The following SPATA13 variants were observed in gnomAD, a reference collection of about 807,000 sequenced individuals.
SPATA13 encodes spermatogenesis associated 13.
SPATA13 carries 50 observed loss-of-function variants against 104.0 expected under a neutral mutation model. That is an observed-to-expected ratio of 0.48 (90% CI 0.38 to 0.61). The LOEUF (loss-of-function observed/expected upper bound fraction) is 0.61, where lower values mean the gene tolerates loss of function less well. SPATA13 is among the 20% of genes least tolerant of loss of function. SPATA13 has a pLI of 0.00. For synonymous variants in SPATA13, 606 were observed against 667.5 expected, an observed-to-expected ratio of 0.91 and a Z score of 1.42; for missense variants, 1,524 against 1,690.6, an observed-to-expected ratio of 0.90 and a Z score of 1.73.
chr13:24,014,879 A>AT lies in SPATA13; in HGVS notation c.-146-2759dup, dbSNP rs10566756. 8.3e-3 allele frequency among the ~76,000 whole-genome samples: 650 copies of AT among 78,668 alleles called. 77 individuals are homozygous for AT. The highest frequency in any genetic ancestry group is 0.029 in the African/African-American group (576 of 20,188). The allele number at this position is 78,668 out of a possible 152,430, so 51.6% of individuals were successfully genotyped here. ...AGGTTCCCTTTTTGGCACTTTCTGG[A>AT]TTTTTTTTTTTTTTTTTTTTTTTTT... On this transcript the variant is annotated intron_variant, in intron 2 of 14. Coordinates refer to the SPATA13 transcript ENST00000424834.
Position 24,036,886 on chromosome 13 carries a change from C to T in SPATA13, c.-112+19185C>T, listed in dbSNP as rs144403967. Among the ~76,000 whole-genome samples, 966 of 152,000 alleles carry T rather than the reference C, an allele frequency of 6.4e-3. 5 individuals are homozygous for T. Among genetic ancestry groups the T allele is most frequent in the Middle Eastern group, 0.058 (17 of 294 alleles). On this transcript the variant is annotated intron_variant, in intron 3 of 14. Coordinates refer to the SPATA13 transcript ENST00000424834. ...CACCTCCTGGGTTCAAGCGATTCTC[C>T]GACCTCAGCCTCCCGAGTAGCTGAG...
chr13:24,123,381 C>G, intron 3 of SPATA13: 2 of 1,280,988 alleles, frequency 1.6e-6, no homozygotes, highest in Non-Finnish European at 2.3e-6. Context: ...AGCCCTTGCT[C>G]TCATGTAGCC....
chr13:24,114,382 C>T (rs527387332), intron 3 of SPATA13, among the ~76,000 whole-genome samples: 6 of 152,248 alleles, frequency 3.9e-5, no homozygotes, highest in South Asian at 2.1e-4. Flanking sequence ...TGTGCACATG[C>T]GCGTGTGTGT....
Position 24,306,901 on chromosome 13 carries a change from A to T in SPATA13, c.*4128A>T, listed in dbSNP as rs572382881. On this transcript the variant is annotated 3_prime_UTR_variant, in exon 13 of 13. Transcript: ENST00000382108. Reference sequence around the variant, plus strand: ...AAAGAATGGGACTTCTGAACTGAGGAATTTGCTGTTGACAGCCAAAGTATA... The same window carrying T: ...AAAGAATGGGACTTCTGAACTGAGGTATTTGCTGTTGACAGCCAAAGTATA... The T allele has an allele frequency of 2.0e-5, 3 of 152,338 alleles. No individual in the cohort carries two copies. The East Asian group carries it at 5.8e-4, about 29-fold the overall frequency. The allele number at this position is 152,338 out of a possible 1,614,324, so 9.4% of individuals were successfully genotyped here.
rs146456606 is a variant in SPATA13, at chr13:24,251,862, G to A, written c.2164G>A (p.Val722Ile). 333 of 1,613,200 alleles carry A rather than the reference G, an allele frequency of 2.1e-4. 1 individual carries two copies. In the South Asian group the frequency reaches 2.3e-3, roughly 11 times the overall value. The change falls in exon 4 of 13, where the codon GTT becomes ATT. Residue 722 changes from valine to isoleucine, a missense_variant and splice_region_variant. Val to Ile is a conservative substitution (Grantham distance 29, BLOSUM62 3). Coordinates refer to ENST00000382108, the MANE Select transcript of SPATA13 (RefSeq NM_001166271.3). ...CCGGCGGCAGATGAGAGCATCCAACGGTGAGTCTCAGAGTCCCTTTCCTTT... is the reference window on the plus strand; with the variant it reads ...CCGGCGGCAGATGAGAGCATCCAACAGTGAGTCTCAGAGTCCCTTTCCTTT... The part of the protein sequence containing the change: ...GRRRQMRASN[V>I]SSDGGTEPSA...
intron 3 of SPATA13, among the ~76,000 whole-genome samples, chr13:24,021,159 T>C (rs1876957081): frequency 6.6e-6 from 1 of 151,966 alleles, no homozygotes; most frequent in Non-Finnish European, 1.5e-5. Flanking sequence ...GAAAGGAAGG[T>C]ATTAGGAGAG....
chr13:24,006,565 G>A (rs886476807), intron 2 of SPATA13, among the ~76,000 whole-genome samples: 73 of 152,204 alleles, frequency 4.8e-4, no homozygotes, highest in African/African-American at 1.7e-3. Context: ...AGGCCAGGCC[G>A]GCCCAAGTAC....
At chr13:24,230,237 A>G (rs935010593) in intron 2 of SPATA13, among the ~76,000 whole-genome samples, 11 of 152,254 alleles carry the variant, frequency 7.2e-5, no homozygotes, top group African/African-American at 2.2e-4. Flanking sequence ...AACACCTGCT[A>G]TGTGAACAGA....
chr13:24,251,169 A>G (rs1391916738), intron 3 of SPATA13, among the ~76,000 whole-genome samples: 1 of 152,204 alleles, frequency 6.6e-6, no homozygotes, highest in African/African-American at 2.4e-5. Flanking sequence ...CTAAAGCTCC[A>G]CTGCCGTGTG....
chr13:24,014,645 C>G (rs116813461), intron 2 of SPATA13, among the ~76,000 whole-genome samples: 2,260 of 152,214 alleles, frequency 0.015, 53 homozygotes, highest in African/African-American at 0.052. Flanking sequence ...TAGTTTGTAA[C>G]AAAATAGTGT....
intron 3 of SPATA13, among the ~76,000 whole-genome samples, chr13:24,036,418 G>A (rs1215208054): frequency 1.3e-5 from 2 of 152,240 alleles, no homozygotes; most frequent in African/African-American, 2.4e-5. Context: ...GGAGGAGTAT[G>A]TAAGCAGACT....
chr13:24,005,009 T>C (rs567765226), intron 2 of SPATA13, among the ~76,000 whole-genome samples: 1 of 152,328 alleles, frequency 6.6e-6, no homozygotes, highest in South Asian at 2.1e-4. Context: ...ACATTCCCTT[T>C]TACATGGCTA....
At chr13:24,017,154 TACG>T (rs1355142486) in intron 2 of SPATA13, among the ~76,000 whole-genome samples, 4 of 152,188 alleles carry the variant, frequency 2.6e-5, no homozygotes, top group Admixed American at 2.0e-4. Flanking sequence ...ACTCCTGAGT[TACG>T]AATAGAGAAC....
intron 4 of SPATA13, among the ~76,000 whole-genome samples, chr13:24,256,379 A>G (rs1354106559): frequency 6.6e-6 from 1 of 152,176 alleles, no homozygotes; most frequent in Non-Finnish European, 1.5e-5. Context: ...TGGGGTGATG[A>G]TATGCTAATT....
chr13:24,102,255 C>T (rs1880280893), intron 3 of SPATA13, among the ~76,000 whole-genome samples: 1 of 152,138 alleles, frequency 6.6e-6, no homozygotes, highest in Admixed American at 6.5e-5. Flanking sequence ...TTTCCATGTG[C>T]CTATTGTCTA....
At chr13:24,048,290 T>G (rs1379557864) in intron 3 of SPATA13, among the ~76,000 whole-genome samples, 1 of 151,962 alleles carries the variant, frequency 6.6e-6, no homozygotes, top group Non-Finnish European at 1.5e-5. Flanking sequence ...CTGTTGCATT[T>G]TTAGCATTAC....
Position 24,123,839 on chromosome 13 carries a change from C to T in SPATA13, c.-111-98980C>T. 28 of 775,922 alleles carry T rather than the reference C, an allele frequency of 3.6e-5. 1 individual carries two copies. The South Asian group carries it at 4.0e-4, about 11-fold the overall frequency. The allele number at this position is 775,922 out of a possible 1,614,324, so 48.1% of individuals were successfully genotyped here. ...TAAAAATTACAAAGGCAGTGAAGGC[C>T]CATTGGGGAATATACAGGAATGTTT... On this transcript the variant is annotated intron_variant, in intron 3 of 14. Coordinates refer to the SPATA13 transcript ENST00000424834.
In SPATA13 at chr13:24,224,317, C is replaced by T; in HGVS notation, c.1388C>T (p.Pro463Leu). The change falls in exon 2 of 13, where the codon CCT becomes CTT. Residue 463 changes from proline (P) to leucine (L), a missense_variant. This residue lies in a region of SPATA13 where 1,089 missense variants were observed against 1,135.9 expected (regional missense o/e 0.96). Transcript: ENST00000382108. ...TTTGACCCTGAGCAGCCTCCCACCC[C>T]TCTAAGGCCCACCACACCCAAGCCC... The part of the protein sequence containing the change: ...LTFDPEQPPT[P>L]LRPTTPKPQS... 1 of 1,551,786 alleles carries T rather than the reference C, an allele frequency of 6.4e-7. No individual in the cohort carries two copies. Among genetic ancestry groups the T allele is most frequent in the Non-Finnish European group, 8.7e-7 (1 of 1,147,018 alleles).
At position 24,094,622 on chromosome 13, in the gene SPATA13, G is replaced by A. The variant is rs1017034959; in HGVS notation, c.-112+76921G>A. Among the ~76,000 whole-genome samples, 9 of 152,272 alleles carry A rather than the reference G, an allele frequency of 5.9e-5. No individual in the cohort carries two copies. The South Asian group carries it at 1.0e-3, about 18-fold the overall frequency. On this transcript the variant is annotated intron_variant, in intron 3 of 14. Transcript: ENST00000424834. ...AGCCTAATTGAAGTTAGCTGTGTGT[G>A]GTGGTGCACACCTGTAGTTTCAGCT...
Sources: allele counts gnomAD v4.1 joint callset (sites outside exome capture counted in the v4.1 genomes callset), GRCh38; gene constraint gnomAD v4.1.1; regional missense constraint gnomAD v4.1.1; transcripts MANE v1.5; gene names NCBI Gene and HGNC (gene_info 2026-07-23, HGNC 2026-07-21).